SSBP3: variants seen among roughly 807,000 people sequenced by gnomAD.
SSBP3 encodes single-stranded DNA-binding protein 3.
In SSBP3, 5 loss-of-function variants were observed where a neutral mutation model predicts 69.6. The observed-to-expected ratio is 0.07, with a 90% CI of 0.04 to 0.15. SSBP3 has a LOEUF of 0.15. Among genes scored for constraint, SSBP3 ranks in the 10% least tolerant of loss-of-function variants. SSBP3 has a pLI of 1.00. For missense variants in SSBP3, 312 were observed against 534.0 expected (o/e 0.58, Z 4.10); for synonymous variants, 196 against 193.4 (o/e 1.01, Z -0.11).
intron 4 of SSBP3, among the ~76,000 whole-genome samples, chr1:54,306,278 G>A (rs949567562): frequency 6.6e-6 from 1 of 152,154 alleles, no homozygotes; most frequent in East Asian, 1.9e-4. Context: ...ATATGATAAC[G>A]CACAGCTTGG....
intron 4 of SSBP3, among the ~76,000 whole-genome samples, chr1:54,315,889 T>C (rs1281616665): frequency 6.6e-6 from 1 of 152,106 alleles, no homozygotes; most frequent in Non-Finnish European, 1.5e-5. Flanking sequence ...CTCGGACTCC[T>C]GGTCTCAAGG....
chr1:54,385,726 G>A (rs1175090712), intron 4 of SSBP3, among the ~76,000 whole-genome samples: 1 of 151,962 alleles, frequency 6.6e-6, no homozygotes, highest in African/African-American at 2.4e-5. Flanking sequence ...CTTCTAACAT[G>A]CTCTGCTTCA....
In SSBP3 at chr1:54,258,005, G is replaced by A; in HGVS notation, c.447+64C>T. 2 of 1,481,594 alleles carry A rather than the reference G, an allele frequency of 1.3e-6. No individual in the cohort carries two copies. Among genetic ancestry groups the A allele is most frequent in the South Asian group, 1.2e-5 (1 of 80,400 alleles). 91.8% of individuals were successfully genotyped at this position (1,481,594 alleles called of 1,614,324 possible). ...ACATTTTGATTTTTGTTTTTCCTCT[G>A]CGGGCTCTCTGCTTCCTCCGCGCCC... On this transcript the variant is annotated intron_variant, in intron 6 of 17. Coordinates refer to ENST00000610401, the Ensembl canonical transcript of SSBP3. This position sits in a 1 kb window ranked among gnomAD's most constrained non-coding sequence, Gnocchi z 4.5.
At chr1:54,243,113 G>C (rs921508879) in intron 10 of SSBP3, 122 bp downstream of exon 10, 31 of 861,012 alleles carry the variant, frequency 3.6e-5, no homozygotes, top group Non-Finnish European at 5.5e-5. Flanking sequence ...CATTACCGAT[G>C]AGGAGACTGA....
intron 4 of SSBP3, among the ~76,000 whole-genome samples, chr1:54,322,848 C>T (rs1376299362): frequency 6.6e-6 from 1 of 152,126 alleles, no homozygotes; most frequent in Admixed American, 6.5e-5. Context: ...ACACAGCACC[C>T]AACATAAAAC....
At chr1:54,309,740 A>C (rs1479925248) in intron 4 of SSBP3, among the ~76,000 whole-genome samples, 3 of 152,188 alleles carry the variant, frequency 2.0e-5, no homozygotes, top group Non-Finnish European at 4.4e-5. Flanking sequence ...AAGGGAAAAG[A>C]AAGAAAACCC....
rs1222264416 is a variant in SSBP3 at position 54,233,653 on chromosome 1, G to A, written c.928-4827C>T. On this transcript the variant is annotated intron_variant, in intron 14 of 17. Coordinates refer to ENST00000610401, the Ensembl canonical transcript of SSBP3. ...AGGTGAGGGGCGCCTCTGCCCGGCCGCCCCTACTGGGAAGTGAGGAGCCCC... is the reference window on the plus strand; with the variant it reads ...AGGTGAGGGGCGCCTCTGCCCGGCCACCCCTACTGGGAAGTGAGGAGCCCC... 3.8e-3 allele frequency among the ~76,000 whole-genome samples: 516 copies of A among 136,954 alleles called. 3 individuals are homozygous for A. The highest frequency in any genetic ancestry group is 0.013 in the African/African-American group (470 of 36,318). The allele number at this position is 136,954 out of a possible 152,430, so 89.8% of individuals were successfully genotyped here.
At chr1:54,225,639 G>T in exon 18 of SSBP3, 1 of 304,250 alleles carries the variant, frequency 3.3e-6, no homozygotes, top group Non-Finnish European at 5.9e-6. Context: ...GATATACATG[G>T]ATCAGAAAGG....
chr1:54,368,288 C>CAAAAAA (rs57721486), intron 4 of SSBP3, among the ~76,000 whole-genome samples: 5 of 69,022 alleles, frequency 7.2e-5, no homozygotes, highest in Non-Finnish European at 1.2e-4. Context: ...GACTCCATCT[C>CAAAAAA]AAAAAAAAAA....
chr1:54,392,008 T>TGCGCTCTCAGGCCCTCTCCTCCCGC (rs565609466), intron 4 of SSBP3, among the ~76,000 whole-genome samples: 432 of 152,230 alleles, frequency 2.8e-3, no homozygotes, highest in African/African-American at 7.8e-3. Context: ...AGAGTGTCCC[T>TGCGCTCTCAGGCCCTCTCCTCCCGC]GCGCTCTCAG....
At chr1:54,347,648 G>C (rs1646711466) in intron 4 of SSBP3, among the ~76,000 whole-genome samples, 1 of 152,188 alleles carries the variant, frequency 6.6e-6, no homozygotes, top group African/African-American at 2.4e-5. Context: ...GATTAGGGTG[G>C]GTCCTGATGC....
At chr1:54,380,886 T>C (rs544221666) in intron 4 of SSBP3, among the ~76,000 whole-genome samples, 1 of 151,370 alleles carries the variant, frequency 6.6e-6, no homozygotes, top group East Asian at 1.9e-4. Context: ...TTTGGGAGGC[T>C]GAAGCGGGAC....
chr1:54,386,573 G>A (rs535952613), intron 4 of SSBP3, among the ~76,000 whole-genome samples: 25 of 151,504 alleles, frequency 1.7e-4, no homozygotes, highest in East Asian at 3.9e-4. Context: ...CACAGCATCC[G>A]CCAGAAAAAC....
intron 4 of SSBP3, among the ~76,000 whole-genome samples, chr1:54,309,564 T>C (rs917627393): frequency 6.6e-6 from 1 of 152,174 alleles, no homozygotes; most frequent in Non-Finnish European, 1.5e-5. Context: ...ACACAGTCAA[T>C]GAGCTTAGAC....
chr1:54,275,012 T>C (rs570054544), intron 5 of SSBP3, among the ~76,000 whole-genome samples: 32 of 152,294 alleles, frequency 2.1e-4, no homozygotes, highest in African/African-American at 7.2e-4. Context: ...CAAGCCATAC[T>C]GGCTGTGCCC....
Position 54,228,863 on chromosome 1 carries a change from C to T in SSBP3, c.928-37G>A, listed in dbSNP as rs768898732. Reference sequence around the variant, plus strand: ...GCACAGGGCATGGCAGCTCAGCGGGCCCTGGCCCTCTGCACCCCTCACAGG... The same window carrying T: ...GCACAGGGCATGGCAGCTCAGCGGGTCCTGGCCCTCTGCACCCCTCACAGG... On this transcript the variant is annotated intron_variant, in intron 14 of 17. Transcript: ENST00000610401. 5.6e-6 allele frequency: 9 copies of T among 1,595,666 alleles called. No individual in the cohort carries two copies. The Admixed American group carries it at 8.7e-5, about 15-fold the overall frequency.
intron 4 of SSBP3, among the ~76,000 whole-genome samples, chr1:54,282,554 C>G (rs1041317730): frequency 6.6e-6 from 1 of 152,242 alleles, no homozygotes; most frequent in African/African-American, 2.4e-5. Flanking sequence ...TTGCTCTCCC[C>G]AGCCTGGCCT....
chr1:54,253,495 A>C (rs1222564152), intron 7 of SSBP3, among the ~76,000 whole-genome samples: 4 of 152,076 alleles, frequency 2.6e-5, no homozygotes, highest in Non-Finnish European at 5.9e-5. Context: ...CCTGGCCTAC[A>C]AAGTGGCATT....
chr1:54,324,773 G>GC (rs1302740527), intron 4 of SSBP3, among the ~76,000 whole-genome samples: 2 of 152,314 alleles, frequency 1.3e-5, no homozygotes, highest in South Asian at 4.1e-4. Flanking sequence ...GCATCCAGTG[G>GC]CCCCGCTGTG....
Sources: gnomAD v4.1 joint callset for allele counts (sites outside exome capture counted in the v4.1 genomes callset) on GRCh38, gnomAD v4.1.1 for gene constraint, Gnocchi (gnomAD v3.1) non-coding constraint, MANE v1.5 for transcripts, NCBI Gene and HGNC (gene_info 2026-07-23, HGNC 2026-07-21) for gene names.